The following GABRB1 variants were observed in gnomAD, a reference collection of about 807,000 sequenced individuals.
GABRB1 encodes the protein gamma-aminobutyric acid type A receptor subunit beta1.
In GABRB1, 17 loss-of-function variants were observed where a neutral mutation model predicts 51.6. The observed-to-expected ratio is 0.33, with a 90% CI of 0.23 to 0.49. The LOEUF (loss-of-function observed/expected upper bound fraction) is 0.49, where lower values mean the gene tolerates loss of function less well. Ranked by LOEUF, GABRB1 falls within the 20% of genes least tolerant of loss-of-function variation. The pLI, the probability that GABRB1 is intolerant of heterozygous loss-of-function variation, is 0.99. For missense variants in GABRB1, 410 were observed against 600.6 expected, an observed-to-expected ratio of 0.68 and a Z score of 3.32; for synonymous variants, 247 against 218.9, an observed-to-expected ratio of 1.13 and a Z score of -1.14.
intron 8 of GABRB1, among the ~76,000 whole-genome samples, chr4:47,421,652 TC>T (rs1729093375): frequency 6.6e-6 from 1 of 152,080 alleles, no homozygotes; most frequent in South Asian, 2.1e-4. Context: ...CTTTCAACTC[TC>T]AATTTTTGTT....
intron 3 of GABRB1, among the ~76,000 whole-genome samples, chr4:47,069,633 T>C (rs893850257): frequency 5.3e-5 from 8 of 152,198 alleles, no homozygotes. Context: ...AACACTTTTG[T>C]ACTTTAAATA....
At chr4:47,167,585 T>C (rs1718243163) in intron 4 of GABRB1, among the ~76,000 whole-genome samples, 1 of 152,110 alleles carries the variant, frequency 6.6e-6, no homozygotes, top group Non-Finnish European at 1.5e-5. Context: ...TGAGGAATGC[T>C]GTGGTTTGAA....
intron 4 of GABRB1, among the ~76,000 whole-genome samples, chr4:47,311,721 T>C (rs1222230389): frequency 6.6e-6 from 1 of 152,160 alleles, no homozygotes; most frequent in Non-Finnish European, 1.5e-5. Flanking sequence ...TGGTACCTTG[T>C]TACAGTAGCA....
intron 5 of GABRB1, among the ~76,000 whole-genome samples, chr4:47,373,299 G>T (rs1206980419): frequency 6.6e-6 from 1 of 152,138 alleles, no homozygotes; most frequent in Non-Finnish European, 1.5e-5. Context: ...GAGAATGGTG[G>T]TTGAAATGAC....
At chr4:47,148,759 A>G (rs1717288828) in intron 3 of GABRB1, among the ~76,000 whole-genome samples, 1 of 151,708 alleles carries the variant, frequency 6.6e-6, no homozygotes, top group Admixed American at 6.6e-5. Flanking sequence ...CACAGAGGAC[A>G]TCATGGCAGC....
intron 3 of GABRB1, among the ~76,000 whole-genome samples, chr4:47,049,498 T>C (rs1158296475): frequency 6.6e-6 from 1 of 152,090 alleles, no homozygotes; most frequent in Non-Finnish European, 1.5e-5. Flanking sequence ...AATCAAATAG[T>C]AATATGTAAA....
chr4:47,029,958 A>C (rs1269822030), upstream of GABRB1, among the ~76,000 whole-genome samples: 1 of 151,884 alleles, frequency 6.6e-6, no homozygotes, highest in Non-Finnish European at 1.5e-5. Context: ...ATGCCCCCAT[A>C]TTCCTTCTCT....
At chr4:47,163,388 A>G (rs889562406) in intron 4 of GABRB1, among the ~76,000 whole-genome samples, 6 of 152,036 alleles carry the variant, frequency 3.9e-5, no homozygotes, top group Admixed American at 2.0e-4. Flanking sequence ...TAAAATAGAG[A>G]TAAAGTTGCT....
At chr4:47,274,488 T>G (rs1212264543) in intron 4 of GABRB1, among the ~76,000 whole-genome samples, 1 of 152,152 alleles carries the variant, frequency 6.6e-6, no homozygotes, top group East Asian at 1.9e-4. Context: ...AAGGGTTCTT[T>G]TCTATGACTA....
intron 5 of GABRB1, among the ~76,000 whole-genome samples, chr4:47,342,608 A>T (rs539207674): frequency 6.6e-6 from 1 of 152,336 alleles, no homozygotes; most frequent in South Asian, 2.1e-4. Flanking sequence ...CCATAAAATA[A>T]AAACCTAGTT....
At chr4:47,300,230 T>A (rs2109936840) in intron 4 of GABRB1, among the ~76,000 whole-genome samples, 1 of 152,128 alleles carries the variant, frequency 6.6e-6, no homozygotes, top group Admixed American at 6.5e-5. Flanking sequence ...TCCTAAGACC[T>A]AAAGTATAAT....
At chr4:47,032,288 A>C (rs935524151) in intron 2 of GABRB1, 129 bp from the exon 3 acceptor site, 2 of 897,266 alleles carry the variant, frequency 2.2e-6, no homozygotes, top group Non-Finnish European at 3.4e-6. Flanking sequence ...CAGTCCCCTG[A>C]AAGGGGTGGT....
intron 8 of GABRB1, 74 bp from the exon 9 acceptor site, chr4:47,425,600 T>A: frequency 8.9e-7 from 1 of 1,127,194 alleles, no homozygotes; most frequent in Non-Finnish European, 1.3e-6. Context: ...TTATGGGGTA[T>A]CATTAGTAAC....
chr4:47,215,522 A>T (rs1720523152), intron 4 of GABRB1, among the ~76,000 whole-genome samples: 1 of 152,078 alleles, frequency 6.6e-6, no homozygotes, highest in Admixed American at 6.6e-5. Flanking sequence ...AAGGGGGAAA[A>T]ATCAAAAGAT....
Position 47,125,559 on chromosome 4 carries a change from C to CT in GABRB1, c.241-35676dup, listed in dbSNP as rs71195605. Among the ~76,000 whole-genome samples the CT allele has an allele frequency of 1.7e-4, 14 of 80,716 alleles. 1 individual carries two copies. Among genetic ancestry groups the CT allele is most frequent in the South Asian group, 4.4e-4 (1 of 2,262 alleles). The allele number at this position is 80,716 out of a possible 152,430, so 53.0% of individuals were successfully genotyped here. ...CTCTAGACACAACAAAGTATAATTT[C>CT]TTTTTTTTTTTTTTGAGACGGAGTC... On this transcript the variant is annotated intron_variant, in intron 3 of 8. Coordinates refer to ENST00000295454, the MANE Select transcript of GABRB1 (RefSeq NM_000812.4).
At chr4:47,305,870 A>G (rs1724449512) in intron 4 of GABRB1, among the ~76,000 whole-genome samples, 1 of 152,208 alleles carries the variant, frequency 6.6e-6, no homozygotes, top group South Asian at 2.1e-4. Context: ...TCAAAGCAAC[A>G]TTTAAAATAA....
At chr4:47,154,493 CAGCA>C (rs1717604163) in intron 3 of GABRB1, among the ~76,000 whole-genome samples, 1 of 152,034 alleles carries the variant, frequency 6.6e-6, no homozygotes, top group Non-Finnish European at 1.5e-5. Flanking sequence ...TAAGATTTCT[CAGCA>C]TACCTCCCTT....
chr4:47,136,219 T>C (rs1170765671), intron 3 of GABRB1, among the ~76,000 whole-genome samples: 2 of 152,156 alleles, frequency 1.3e-5, no homozygotes, highest in Admixed American at 6.6e-5. Context: ...CTTGAACTCC[T>C]GGCTTCAAGT....
intron 4 of GABRB1, among the ~76,000 whole-genome samples, chr4:47,210,141 T>C (rs192768609): frequency 6.6e-6 from 1 of 152,266 alleles, no homozygotes; most frequent in Admixed American, 6.5e-5. Context: ...AAGAGAGGAA[T>C]GCAGAGCTTA....
Sources: gnomAD v4.1 joint callset for allele counts (sites outside exome capture counted in the v4.1 genomes callset) on GRCh38, gnomAD v4.1.1 for gene constraint, MANE v1.5 for transcripts, NCBI Gene and HGNC (gene_info 2026-07-23, HGNC 2026-07-21) for gene names.